The following TNIP3 variants were observed in gnomAD, a reference collection of about 807,000 sequenced individuals.
TNIP3 encodes the protein TNFAIP3 interacting protein 3.
Under a neutral mutation model 54.1 loss-of-function variants are expected in TNIP3, and 34 were observed. The ratio of observed to expected loss-of-function variants is 0.63; its 90% CI spans 0.48 to 0.84. TNIP3 has a LOEUF of 0.84. Ranked by LOEUF, TNIP3 falls within the 40% of genes least tolerant of loss-of-function variation. TNIP3 has a pLI of 0.00. For missense variants in TNIP3, 366 were observed against 387.6 expected, an observed-to-expected ratio of 0.94 and a Z score of 0.47; for synonymous variants, 134 against 136.8, an observed-to-expected ratio of 0.98 and a Z score of 0.14.
intron 2 of TNIP3, among the ~76,000 whole-genome samples, chr4:121,186,659 G>A (rs1487442344): frequency 6.6e-6 from 1 of 152,164 alleles, no homozygotes; most frequent in African/African-American, 2.4e-5. Flanking sequence ...ACAGTGCCAG[G>A]CATGCCACAG....
chr4:121,223,213 C>T (rs77652797), intron 1 of TNIP3, among the ~76,000 whole-genome samples: 3,295 of 152,308 alleles, frequency 0.022, 77 homozygotes, highest in Admixed American at 0.035. Flanking sequence ...CTCCTGCTAA[C>T]TGTATCAGTT....
At chr4:121,159,662 T>G (rs549660900) in intron 2 of TNIP3, among the ~76,000 whole-genome samples, 6 of 152,228 alleles carry the variant, frequency 3.9e-5, no homozygotes, top group Non-Finnish European at 7.3e-5. Flanking sequence ...TTTTGAAAAT[T>G]TAGATTTTCA....
intron 4 of TNIP3, 102 bp downstream of exon 4, chr4:121,156,992 G>A (rs1265155362): frequency 4.0e-6 from 6 of 1,491,870 alleles, no homozygotes; most frequent in Non-Finnish European, 5.5e-6. Context: ...TTGCTCAGTA[G>A]TGAGTTGATT....
At chr4:121,163,974 T>C in intron 1 of TNIP3, 86 bp downstream of exon 1, 1 of 1,489,256 alleles carries the variant, frequency 6.7e-7, no homozygotes, top group African/African-American at 1.4e-5. Context: ...GCCATTTCTG[T>C]TCTTATTAAT....
At chr4:121,208,911 T>C (rs1726326710) in intron 2 of TNIP3, among the ~76,000 whole-genome samples, 1 of 152,142 alleles carries the variant, frequency 6.6e-6, no homozygotes, top group Non-Finnish European at 1.5e-5. Flanking sequence ...AAGATCAAAT[T>C]TGTGATTAGA....
In TNIP3 at chr4:121,214,545, G is replaced by A. The variant is rs555664596; in HGVS notation, c.68+1870C>T. On this transcript the variant is annotated intron_variant, in intron 2 of 12. Transcript: ENST00000507879. The stretch of plus-strand genomic sequence containing the variant: ...GGCTTGTGAATATGGAGAGGTGGCC[G>A]GGTGAGGATTGCCCCTACCTCTTAG... Among the ~76,000 whole-genome samples, 7 of 152,266 alleles carry A rather than the reference G, an allele frequency of 4.6e-5. No individual in the cohort carries two copies. In the South Asian group the frequency reaches 6.2e-4, roughly 14 times the overall value.
At chr4:121,216,421 G>T (rs754342122) in exon 2 of TNIP3, 2 of 1,535,146 alleles carry the variant, frequency 1.3e-6, no homozygotes, top group Middle Eastern at 1.7e-4. Context: ...TTACCTTTCA[G>T]AATCTTCAGA....
intron 1 of TNIP3, among the ~76,000 whole-genome samples, chr4:121,222,588 T>C (rs969855368): frequency 6.6e-6 from 1 of 152,188 alleles, no homozygotes; most frequent in Non-Finnish European, 1.5e-5. Context: ...TCAATTGCAC[T>C]ATAAGGTGAC....
intron 2 of TNIP3, among the ~76,000 whole-genome samples, chr4:121,191,911 T>C (rs188419796): frequency 6.6e-6 from 1 of 152,338 alleles, no homozygotes. Context: ...TTGGAAATTA[T>C]GACAAAGGTG....
chr4:121,164,760 A>G (rs1430996328), upstream of TNIP3, among the ~76,000 whole-genome samples: 1 of 152,246 alleles, frequency 6.6e-6, no homozygotes, highest in Non-Finnish European at 1.5e-5. Context: ...CATTGTAAAG[A>G]AAATGGGCAT....
At chr4:121,156,136 CT>C (rs1730070936) in intron 4 of TNIP3, among the ~76,000 whole-genome samples, 1 of 152,170 alleles carries the variant, frequency 6.6e-6, no homozygotes, top group African/African-American at 2.4e-5. Context: ...CAAAGACATC[CT>C]CAGCAAGATA....
Position 121,154,689 on chromosome 4 carries a change from A to G in TNIP3, c.364-10T>C. 1 of 1,593,152 alleles carries G rather than the reference A, an allele frequency of 6.3e-7. No individual in the cohort carries two copies. Among genetic ancestry groups the G allele is most frequent in the Non-Finnish European group, 8.5e-7 (1 of 1,172,420 alleles). ...GGCGTTCCTTTTCCTTCTGAAGTTA[A>G]GACCAAGAAAAGAAAATAAAAGTCA... is the stretch of plus-strand genomic sequence containing the variant. On this transcript the variant is annotated splice_polypyrimidine_tract_variant and intron_variant, in intron 4 of 10. Transcript: ENST00000057513.
At position 121,182,910 on chromosome 4, in the gene TNIP3, A is replaced by G. The variant is rs1233810587; in HGVS notation, c.69-114T>C. The G allele has an allele frequency of 1.2e-4, 122 of 1,032,328 alleles. 1 individual carries two copies. The highest frequency in any genetic ancestry group is 1.8e-5 in the Non-Finnish European group (13 of 723,660). 63.9% of individuals were successfully genotyped at this position (1,032,328 alleles called of 1,614,324 possible). ...TGTTATTTATGTATGATACTTCTCT[A>G]CGATCTCCCAAACTCTAATCTCATT... On this transcript the variant is annotated intron_variant, in intron 2 of 12. Coordinates refer to the TNIP3 transcript ENST00000507879.
At chr4:121,171,875 C>T (rs1723979942) in intron 3 of TNIP3, among the ~76,000 whole-genome samples, 1 of 152,124 alleles carries the variant, frequency 6.6e-6, no homozygotes. Context: ...GGACTACAGG[C>T]ATGAACCACC....
chr4:121,214,534 G>A (rs1362916181), intron 2 of TNIP3, among the ~76,000 whole-genome samples: 1 of 152,154 alleles, frequency 6.6e-6, no homozygotes, highest in Non-Finnish European at 1.5e-5. Flanking sequence ...TGTGAATATG[G>A]AGAGGTGGCC....
chr4:121,173,506 T>G (rs1019934097), intron 3 of TNIP3, among the ~76,000 whole-genome samples: 2 of 152,210 alleles, frequency 1.3e-5, no homozygotes, highest in African/African-American at 4.8e-5. Context: ...AATCTGTGTT[T>G]GAGTTTTTTT....
intron 2 of TNIP3, among the ~76,000 whole-genome samples, chr4:121,206,526 C>T (rs1180667374): frequency 8.5e-6 from 1 of 117,330 alleles, no homozygotes; most frequent in Non-Finnish European, 1.8e-5. Context: ...TGAGATGTTA[C>T]ATTTGTATAT....
Position 121,142,675 on chromosome 4 carries a change from G to A in TNIP3, c.786+51C>T, listed in dbSNP as rs771221496. On this transcript the variant is annotated intron_variant, in intron 8 of 10. Coordinates refer to ENST00000057513, the MANE Select transcript of TNIP3 (RefSeq NM_024873.6). ...AACATGTCTTTAATTGGGACAATGA[G>A]AAATGCTGTACATGGGAATAAATGT... The A allele has an allele frequency of 4.6e-6, 7 of 1,509,494 alleles. No individual in the cohort carries two copies. In the African/African-American group the frequency reaches 6.9e-5, roughly 15 times the overall value. 93.5% of individuals were successfully genotyped at this position (1,509,494 alleles called of 1,614,324 possible). A position where few individuals can be genotyped will look rare whatever the true frequency, so the allele number is the denominator to read the frequency against.
At chr4:121,192,677 G>A (rs984974008) in intron 2 of TNIP3, 1 of 152,152 alleles carries the variant, frequency 6.6e-6, no homozygotes, top group Non-Finnish European at 1.5e-5. Context: ...TTTTCCCCAA[G>A]GTTTTCACTT....
Sources: gnomAD v4.1 joint callset for allele counts (sites outside exome capture counted in the v4.1 genomes callset) on GRCh38, gnomAD v4.1.1 for gene constraint, MANE v1.5 for transcripts, NCBI Gene and HGNC (gene_info 2026-07-23, HGNC 2026-07-21) for gene names.